Variants in PLLP observed in about 807,000 individuals in gnomAD.
The protein encoded by PLLP is plasmolipin, also known as plasma membrane proteolipid (plasmolipin).
Under a neutral mutation model 19.7 loss-of-function variants are expected in PLLP, and 15 were observed. The observed-to-expected ratio is 0.76, with a 90% confidence interval of 0.51 to 1.17. The LOEUF (loss-of-function observed/expected upper bound fraction) is 1.17. PLLP is among the 50% of genes most tolerant of loss of function. The probability of loss-of-function intolerance (pLI) is 0.00; values close to 1 mark genes in which losing one functional copy is unlikely to be tolerated. For synonymous variants in PLLP, 111 were observed against 116.3 expected (o/e 0.95, Z 0.29); for missense variants, 255 against 258.3 (o/e 0.99, Z 0.09).
At chr16:57,279,883 G>A (rs1427107239) in intron 1 of PLLP, among the ~76,000 whole-genome samples, 2 of 152,236 alleles carry the variant, frequency 1.3e-5, no homozygotes, top group Non-Finnish European at 1.5e-5. Flanking sequence ...TGCAAAGTGG[G>A]AATTGTGTGG....
At chr16:57,260,097 T>G (rs1231926032) in intron 2 of PLLP, among the ~76,000 whole-genome samples, 1 of 152,106 alleles carries the variant, frequency 6.6e-6, no homozygotes, top group South Asian at 2.1e-4. Flanking sequence ...GATGCTGGCT[T>G]CTCCAGGGTC....
chr16:57,260,375 C>T (rs1185510490), intron 2 of PLLP, among the ~76,000 whole-genome samples: 1 of 152,164 alleles, frequency 6.6e-6, no homozygotes, highest in East Asian at 1.9e-4. Flanking sequence ...GGAGATTTCT[C>T]TCTTAGAGGT....
chr16:57,283,839 T>C (rs1410036253), intron 1 of PLLP, among the ~76,000 whole-genome samples: 1 of 151,930 alleles, frequency 6.6e-6, no homozygotes, highest in East Asian at 1.9e-4. Context: ...CACAGGGTAG[T>C]GCCTGAGTGT....
At chr16:57,265,207 C>G (rs535657154) in intron 1 of PLLP, among the ~76,000 whole-genome samples, 2 of 152,378 alleles carry the variant, frequency 1.3e-5, no homozygotes, top group Non-Finnish European at 2.9e-5. Context: ...ACACACCAAG[C>G]TGGGGGCAGA....
At chr16:57,262,145 G>T in intron 1 of PLLP, 75 bp from the exon 2 acceptor site, 1 of 1,426,422 alleles carries the variant, frequency 7.0e-7, no homozygotes, top group Non-Finnish European at 9.8e-7. Flanking sequence ...ATACTGGCCA[G>T]GCACAGTGGC....
intron 1 of PLLP, among the ~76,000 whole-genome samples, chr16:57,278,906 C>G (rs1458191094): frequency 6.6e-6 from 1 of 152,134 alleles, no homozygotes; most frequent in African/African-American, 2.4e-5. Context: ...GGTCTGCCTC[C>G]TGGGGCCGGA....
At chr16:57,258,366 G>A in intron 3 of PLLP, 96 bp downstream of exon 3, 2 of 1,291,006 alleles carry the variant, frequency 1.5e-6, no homozygotes, top group Middle Eastern at 4.1e-4. Flanking sequence ...AACCCCTCAG[G>A]AGGTGGCAGG....
At chr16:57,270,387 T>TGAGTGCTTCCCAGGTCCCC (rs2075470991) in intron 1 of PLLP, among the ~76,000 whole-genome samples, 1 of 127,078 alleles carries the variant, frequency 7.9e-6, no homozygotes, top group Non-Finnish European at 1.6e-5. Flanking sequence ...CCATGGCCCC[T>TGAGTGCTTCCCAGGTCCCC]GAGTGCTTCC....
chr16:57,281,036 C>T (rs1422670072), intron 1 of PLLP, among the ~76,000 whole-genome samples: 1 of 152,168 alleles, frequency 6.6e-6, no homozygotes, highest in African/African-American at 2.4e-5. Context: ...TCATTTATTT[C>T]CTGCTCCATG....
At chr16:57,283,856 T>C (rs1256458026) in intron 1 of PLLP, among the ~76,000 whole-genome samples, 1 of 151,928 alleles carries the variant, frequency 6.6e-6, no homozygotes. Context: ...GTGTGCGTGT[T>C]GGGGAGTCGG....
chr16:57,271,203 GGCTGA>G (rs150046916), intron 1 of PLLP, among the ~76,000 whole-genome samples: 8,755 of 152,120 alleles, frequency 0.058, 469 homozygotes, highest in South Asian at 0.26. Context: ...CTACCCCAGT[GGCTGA>G]GCTGAGCCGC....
At chr16:57,266,215 G>A (rs889289408) in intron 1 of PLLP, among the ~76,000 whole-genome samples, 1 of 151,950 alleles carries the variant, frequency 6.6e-6, no homozygotes, top group South Asian at 2.1e-4. Context: ...CCCGCCCTGT[G>A]CTGTGCTCCA....
intron 3 of PLLP, 22 bp downstream of exon 3, chr16:57,258,440 G>A (rs774662421): frequency 6.2e-7 from 1 of 1,605,308 alleles, no homozygotes; most frequent in Non-Finnish European, 8.5e-7. Flanking sequence ...GACCACCAAG[G>A]GAGCCTGGGA....
chr16:57,275,612 A>C (rs993467091), intron 1 of PLLP, among the ~76,000 whole-genome samples: 44 of 149,170 alleles, frequency 2.9e-4, no homozygotes, highest in South Asian at 2.1e-4. Context: ...GCAAAAAAAA[A>C]AAAAACACTA....
intron 1 of PLLP, among the ~76,000 whole-genome samples, chr16:57,284,201 TGTC>T (rs1365852699): frequency 1.3e-5 from 2 of 151,774 alleles, no homozygotes; most frequent in East Asian, 1.9e-4. Context: ...CACGGGGTAG[TGTC>T]GTGGTGAGAG....
intron 1 of PLLP, among the ~76,000 whole-genome samples, chr16:57,262,794 C>T (rs1203142291): frequency 2.6e-5 from 4 of 152,008 alleles, no homozygotes; most frequent in African/African-American, 4.8e-5. Flanking sequence ...ACCACTGTAC[C>T]GGGGCCCTGC....
chr16:57,261,416 G>T (rs2075441380), intron 2 of PLLP, among the ~76,000 whole-genome samples: 1 of 152,048 alleles, frequency 6.6e-6, no homozygotes, highest in Non-Finnish European at 1.5e-5. Flanking sequence ...CTGGCTCATG[G>T]TTCCCCAAAA....
intron 1 of PLLP, among the ~76,000 whole-genome samples, chr16:57,277,458 G>A (rs1164425447): frequency 1.3e-5 from 2 of 152,192 alleles, no homozygotes; most frequent in Non-Finnish European, 2.9e-5. Flanking sequence ...GGCCATGGTG[G>A]TGCGTGCCTG....
chr16:57,281,075 C>T (rs1052878681), intron 1 of PLLP, among the ~76,000 whole-genome samples: 3 of 152,200 alleles, frequency 2.0e-5, no homozygotes, highest in African/African-American at 7.2e-5. Flanking sequence ...CTGGGAGAAG[C>T]ACATCCTCTG....
Sources: allele counts gnomAD v4.1 joint callset (sites outside exome capture counted in the v4.1 genomes callset), GRCh38; gene constraint gnomAD v4.1.1; transcripts MANE v1.5; gene names NCBI Gene and HGNC (gene_info 2026-07-23, HGNC 2026-07-21).